CACNA1E: variants seen among roughly 807,000 people sequenced by gnomAD.
CACNA1E encodes the protein calcium voltage-gated channel subunit alpha1 E.
In CACNA1E, 40 loss-of-function variants were observed where a neutral mutation model predicts 259.2. The observed-to-expected ratio is 0.15, with a 90% CI of 0.12 to 0.20. The LOEUF (loss-of-function observed/expected upper bound fraction) is 0.20, where lower values mean the gene tolerates loss of function less well. CACNA1E is among the 10% of genes least tolerant of loss of function. The pLI is 1.00. For missense variants in CACNA1E, 1,874 were observed against 3,040.1 expected, an observed-to-expected ratio of 0.62 and a Z score of 9.02; for synonymous variants, 1,104 against 1,138.5, an observed-to-expected ratio of 0.97 and a Z score of 0.61.
intron 7 of CACNA1E, among the ~76,000 whole-genome samples, chr1:181,700,880 G>A (rs1652181099): frequency 6.6e-6 from 1 of 152,122 alleles, no homozygotes; most frequent in African/African-American, 2.4e-5. Context: ...CGCTCACTTC[G>A]AGTCTCTCCT....
chr1:181,715,537 G>A, intron 9 of CACNA1E, 146 bp downstream of exon 9: 1 of 620,808 alleles, frequency 1.6e-6, no homozygotes, highest in Admixed American at 2.8e-5. Flanking sequence ...AATCCCTCAT[G>A]CTTTAAAATG....
chr1:181,472,549 A>ATCTGGTG (rs199789218), intron 2 of CACNA1E, among the ~76,000 whole-genome samples: 14,341 of 152,242 alleles, frequency 0.094, 836 homozygotes, highest in South Asian at 0.19. Context: ...CATCACCTAT[A>ATCTGGTG]ATGCCTGGTA....
chr1:181,434,664 G>A (rs1571866459), intron 2 of CACNA1E, among the ~76,000 whole-genome samples: 1 of 152,210 alleles, frequency 6.6e-6, no homozygotes, highest in East Asian at 1.9e-4. Flanking sequence ...AGACCTTGAA[G>A]TGGAAGTGAA....
intron 1 of CACNA1E, among the ~76,000 whole-genome samples, chr1:181,505,781 TG>T (rs1245836639): frequency 6.6e-6 from 1 of 152,176 alleles, no homozygotes; most frequent in African/African-American, 2.4e-5. Context: ...AAAGTTCAAA[TG>T]GGTATACAGT....
At chr1:181,645,622 C>G (rs554950284) in intron 6 of CACNA1E, among the ~76,000 whole-genome samples, 1 of 152,320 alleles carries the variant, frequency 6.6e-6, no homozygotes, top group African/African-American at 2.4e-5. Flanking sequence ...TCTGACTTCC[C>G]GGACCCATGC....
intron 1 of CACNA1E, among the ~76,000 whole-genome samples, chr1:181,365,221 G>A (rs930996401): frequency 2.6e-5 from 4 of 152,202 alleles, no homozygotes; most frequent in African/African-American, 4.8e-5. Flanking sequence ...AGGTGGGAGT[G>A]CAGTGACGCG....
rs543594132 is a variant in CACNA1E, at chr1:181,616,715, A to AAAAAC, written c.952-34609_952-34605dup. Among the ~76,000 whole-genome samples the AAAAAC allele has an allele frequency of 7.9e-5, 12 of 151,994 alleles. No individual in the cohort carries two copies. In the South Asian group the frequency reaches 2.5e-3, roughly 31 times the overall value. ...GTGACAGAGCAAGACTCCATCTCAA[A>AAAAAC]AAAACAAAACAAAACAAACAAACAA... On this transcript the variant is annotated intron_variant, in intron 6 of 47. Coordinates refer to ENST00000367573, the MANE Select transcript of CACNA1E (RefSeq NM_001205293.3).
At chr1:181,457,879 C>T (rs911680518) in intron 2 of CACNA1E, among the ~76,000 whole-genome samples, 2 of 152,200 alleles carry the variant, frequency 1.3e-5, no homozygotes, top group Non-Finnish European at 2.9e-5. Flanking sequence ...GGGACAGGAT[C>T]GTCCCTCTCC....
chr1:181,382,580 A>G (rs970296791), intron 1 of CACNA1E, among the ~76,000 whole-genome samples: 9 of 152,160 alleles, frequency 5.9e-5, no homozygotes, highest in African/African-American at 1.7e-4. Context: ...TGACCAAATC[A>G]TTTGGGCCTT....
At chr1:181,455,099 C>A (rs999321440) in intron 2 of CACNA1E, among the ~76,000 whole-genome samples, 2 of 152,172 alleles carry the variant, frequency 1.3e-5, no homozygotes, top group African/African-American at 4.8e-5. Flanking sequence ...ATCCTTCCAA[C>A]ATTTTAGTGC....
intron 2 of CACNA1E, among the ~76,000 whole-genome samples, chr1:181,444,565 A>T (rs572908187): frequency 1.1e-4 from 16 of 152,326 alleles, no homozygotes; most frequent in Non-Finnish European, 1.9e-4. Context: ...AGTAAGATGG[A>T]GAATTCTGGA....
At chr1:181,331,867 GT>G (rs1387366258) in intron 1 of CACNA1E, among the ~76,000 whole-genome samples, 3 of 152,116 alleles carry the variant, frequency 2.0e-5, no homozygotes, top group Non-Finnish European at 4.4e-5. Flanking sequence ...TTTTTGTCAG[GT>G]TTGTCGAAGA....
intron 6 of CACNA1E, among the ~76,000 whole-genome samples, chr1:181,649,646 A>C (rs556087773): frequency 6.6e-6 from 1 of 152,366 alleles, no homozygotes; most frequent in South Asian, 2.1e-4. Context: ...TATGCAATAC[A>C]TATACACCAT....
At chr1:181,606,688 A>T (rs960135948) in intron 6 of CACNA1E, among the ~76,000 whole-genome samples, 1 of 152,184 alleles carries the variant, frequency 6.6e-6, no homozygotes, top group Non-Finnish European at 1.5e-5. Context: ...AGCTAACATG[A>T]TCCATAAGAC....
intron 3 of CACNA1E, among the ~76,000 whole-genome samples, chr1:181,512,030 A>T (rs1181589184): frequency 1.3e-5 from 2 of 152,256 alleles, no homozygotes; most frequent in Non-Finnish European, 2.9e-5. Context: ...TAATAGTATA[A>T]AATCGAATCA....
chr1:181,341,343 G>A (rs1019245512), intron 1 of CACNA1E, among the ~76,000 whole-genome samples: 1 of 152,212 alleles, frequency 6.6e-6, no homozygotes, highest in Non-Finnish European at 1.5e-5. Context: ...AGTGAGGAGA[G>A]TTTGTCATTC....
intron 3 of CACNA1E, among the ~76,000 whole-genome samples, chr1:181,525,098 A>G (rs1667260110): frequency 6.6e-6 from 1 of 152,194 alleles, no homozygotes; most frequent in Admixed American, 6.5e-5. Context: ...TGTAGATAGT[A>G]TATATAGGTA....
At chr1:181,455,204 G>C (rs1204213066) in intron 2 of CACNA1E, among the ~76,000 whole-genome samples, 2 of 152,150 alleles carry the variant, frequency 1.3e-5, no homozygotes, top group Admixed American at 6.5e-5. Context: ...CATTATATTG[G>C]TTTCTTTTGA....
At chr1:181,472,124 C>T (rs1211321617) in intron 2 of CACNA1E, among the ~76,000 whole-genome samples, 1 of 149,514 alleles carries the variant, frequency 6.7e-6, no homozygotes, top group Admixed American at 6.8e-5. Flanking sequence ...CATGGATGGA[C>T]CTGGAGGACA....
Sources: allele counts gnomAD v4.1 joint callset (sites outside exome capture counted in the v4.1 genomes callset), GRCh38; gene constraint gnomAD v4.1.1; transcripts MANE v1.5; gene names NCBI Gene and HGNC (gene_info 2026-07-23, HGNC 2026-07-21).